Variants in LRRN3 observed in about 807,000 individuals in gnomAD.
The protein encoded by LRRN3 is leucine-rich repeat neuronal protein 3.
In LRRN3, 15 loss-of-function variants were observed where a neutral mutation model predicts 40.1. The ratio of observed to expected loss-of-function variants is 0.37; its 90% CI spans 0.25 to 0.58. The LOEUF (loss-of-function observed/expected upper bound fraction) is 0.58. Among genes scored for constraint, LRRN3 ranks in the 20% least tolerant of loss-of-function variants. The pLI, the probability that LRRN3 is intolerant of heterozygous loss-of-function variation, is 0.72. For missense variants in LRRN3, 746 were observed against 837.7 expected (o/e 0.89, Z 1.35); for synonymous variants, 308 against 297.2 (o/e 1.04, Z -0.37).
intron 2 of LRRN3, among the ~76,000 whole-genome samples, chr7:111,109,523 C>T (rs910345836): frequency 1.3e-5 from 2 of 152,060 alleles, no homozygotes; most frequent in Non-Finnish European, 2.9e-5. Flanking sequence ...ATCTGCGACA[C>T]AAAGCTTTAT....
chr7:111,120,062 T>G (rs1586405453), intron 2 of LRRN3, among the ~76,000 whole-genome samples: 1 of 152,304 alleles, frequency 6.6e-6, no homozygotes, highest in East Asian at 1.9e-4. Flanking sequence ...GAAGGTTGCC[T>G]GCAGGAAAAT....
chr7:111,123,199 C>T lies in LRRN3; in HGVS notation c.427C>T (p.Gln143Ter). The change falls in exon 3 of 3, where the codon CAA becomes TAA. Residue 143 changes from glutamine (Q) to a stop codon, truncating the protein, a stop_gained. Coordinates refer to ENST00000308478, the MANE Select transcript of LRRN3 (RefSeq NM_001099658.2). LOFTEE classifies it high-confidence loss of function. The surrounding 1 kb of genome is among the most constrained non-coding windows in gnomAD (Gnocchi z 6.4). ...ATGTCTGTCCGAACTGAGCAACTTACAAGAACTCTATATTAATCACAACTT... is the reference window on the plus strand; with the variant it reads ...ATGTCTGTCCGAACTGAGCAACTTATAAGAACTCTATATTAATCACAACTT... ...EKCLSELSNL[Q>*]ELYINHNLLS... is the part of the protein sequence containing the mutation. 6.2e-7 allele frequency: 1 copy of T among 1,613,964 alleles called. No homozygotes were observed. Among genetic ancestry groups the T allele is most frequent in the Non-Finnish European group, 8.5e-7 (1 of 1,179,964 alleles).
rs1210786661 is a variant in LRRN3, at chr7:111,123,287, A to G, written c.515A>G (p.Asn172Ser). Reference protein sequence around the residue: ...GLHNLLRLHLNSNRLQMINSK... With the variant: ...GLHNLLRLHLSSNRLQMINSK... Reference sequence around the variant, plus strand: ...CATAATCTTCTTCGACTTCATCTCAATTCAAATAGATTGCAGATGATCAAC... The same window carrying G: ...CATAATCTTCTTCGACTTCATCTCAGTTCAAATAGATTGCAGATGATCAAC... Residue 172 changes from asparagine to serine, a missense_variant, in exon 3 of 3, where the codon AAT (asparagine) becomes AGT (serine). Physicochemically the swap from Asn to Ser is conservative, Grantham distance 46. Transcript: ENST00000308478. The surrounding 1 kb of genome is among the most constrained non-coding windows in gnomAD (Gnocchi z 6.4). 6.2e-7 allele frequency: 1 copy of G among 1,613,838 alleles called. No individual in the cohort carries two copies. Among genetic ancestry groups the G allele is most frequent in the Non-Finnish European group, 8.5e-7 (1 of 1,179,936 alleles).
rs1331026725 is a variant in LRRN3, at chr7:111,125,089, A to G, written c.*190A>G. 4.0e-6 allele frequency: 2 copies of G among 502,282 alleles called. No individual in the cohort carries two copies. The highest frequency in any genetic ancestry group is 2.0e-5 in the African/African-American group (1 of 49,560). 31.1% of individuals were successfully genotyped at this position (502,282 alleles called of 1,614,324 possible). A position where few individuals can be genotyped will look rare whatever the true frequency, so the allele number is the denominator to read the frequency against. On this transcript the variant is annotated 3_prime_UTR_variant, in exon 3 of 3. Coordinates refer to ENST00000308478, the MANE Select transcript of LRRN3 (RefSeq NM_001099658.2). ...AAATATGTACAACTTCAGCATTTTAAGTAACTGGCTTCAAGGGGTACTGTG... is the reference window on the plus strand; with the variant it reads ...AAATATGTACAACTTCAGCATTTTAGGTAACTGGCTTCAAGGGGTACTGTG...
At chr7:111,092,319 T>A (rs2129578036) in intron 1 of LRRN3, among the ~76,000 whole-genome samples, 1 of 152,340 alleles carries the variant, frequency 6.6e-6, no homozygotes, top group South Asian at 2.1e-4. Flanking sequence ...TAAAGTACAT[T>A]TCCTATTTAA....
chr7:111,102,481 T>C (rs1798080983), intron 2 of LRRN3, among the ~76,000 whole-genome samples: 1 of 151,634 alleles, frequency 6.6e-6, no homozygotes. Context: ...TTGACAGTAA[T>C]GTGTTGCTGC....
chr7:111,117,661 C>A (rs1272193619), intron 2 of LRRN3, among the ~76,000 whole-genome samples: 2 of 151,944 alleles, frequency 1.3e-5, no homozygotes, highest in African/African-American at 4.8e-5. Context: ...GGATATGGAA[C>A]CTTCAATTAG....
chr7:111,105,843 T>TTA (rs1376978995), intron 2 of LRRN3, among the ~76,000 whole-genome samples: 1 of 151,934 alleles, frequency 6.6e-6, no homozygotes, highest in Non-Finnish European at 1.5e-5. Context: ...CCATTGTCTT[T>TTA]TATAGCATCC....
At chr7:111,104,042 T>A (rs1358974261) in intron 2 of LRRN3, among the ~76,000 whole-genome samples, 1 of 151,762 alleles carries the variant, frequency 6.6e-6, no homozygotes, top group Non-Finnish European at 1.5e-5. Context: ...GTGTGTGAAA[T>A]GAAAAGTTAC....
intron 2 of LRRN3, among the ~76,000 whole-genome samples, chr7:111,108,683 C>A (rs1017015535): frequency 2.0e-5 from 3 of 151,966 alleles, no homozygotes; most frequent in Non-Finnish European, 4.4e-5. Flanking sequence ...TTTGTAATCT[C>A]CTGAATTTAA....
chr7:111,096,522 C>A lies in LRRN3; in HGVS notation c.-440-3359C>A, dbSNP rs202030029. ...TGAGTTAAATTTAAAAAAAAAAAAA[C>A]AAAACAAAACCCACAACCAACATCT... On this transcript the variant is annotated intron_variant, in intron 1 of 2. Coordinates refer to ENST00000308478, the MANE Select transcript of LRRN3 (RefSeq NM_001099658.2). 5.9e-3 allele frequency among the ~76,000 whole-genome samples: 752 copies of A among 128,370 alleles called. 4 individuals carry two copies. The highest frequency in any genetic ancestry group is 0.018 in the African/African-American group (651 of 35,704). 84.2% of individuals were successfully genotyped at this position (128,370 alleles called of 152,430 possible). A position where few individuals can be genotyped will look rare whatever the true frequency, so the allele number is the denominator to read the frequency against.
intron 1 of LRRN3, among the ~76,000 whole-genome samples, chr7:111,099,424 G>A (rs1475789264): frequency 1.3e-5 from 2 of 151,698 alleles, no homozygotes; most frequent in African/African-American, 4.8e-5. Flanking sequence ...AAAGTTAATT[G>A]ATGAAAGCTG....
At chr7:111,096,527 C>T (rs1469435105) in intron 1 of LRRN3, among the ~76,000 whole-genome samples, 1 of 144,742 alleles carries the variant, frequency 6.9e-6, no homozygotes, top group African/African-American at 2.5e-5. Context: ...AAAAACAAAA[C>T]AAAACCCACA....
At chr7:111,097,373 G>A (rs968218361) in intron 1 of LRRN3, 14 of 151,708 alleles carry the variant, frequency 9.2e-5, no homozygotes, top group Non-Finnish European at 1.5e-4. Context: ...AAGAGACTTC[G>A]TTTTCACTGT....
chr7:111,094,325 G>A (rs1309545347), intron 1 of LRRN3, among the ~76,000 whole-genome samples: 1 of 152,086 alleles, frequency 6.6e-6, no homozygotes, highest in Non-Finnish European at 1.5e-5. Context: ...ATCTGTTGGT[G>A]AATCTGAAGG....
intron 2 of LRRN3, among the ~76,000 whole-genome samples, chr7:111,114,410 T>C (rs1440685938): frequency 1.3e-5 from 2 of 152,068 alleles, no homozygotes; most frequent in African/African-American, 2.4e-5. Context: ...ATCCTATCGG[T>C]ATCCATCCAA....
chr7:111,114,489 G>A (rs571349935), intron 2 of LRRN3, among the ~76,000 whole-genome samples: 1 of 152,256 alleles, frequency 6.6e-6, no homozygotes, highest in South Asian at 2.1e-4. Flanking sequence ...TGTAATCCCA[G>A]CACTTTGTGA....
chr7:111,119,747 T>C (rs1586402744), intron 2 of LRRN3, among the ~76,000 whole-genome samples: 1 of 152,168 alleles, frequency 6.6e-6, no homozygotes, highest in African/African-American at 2.4e-5. Context: ...TACTACATTA[T>C]AATGATAATG....
chr7:111,093,318 A>T (rs1797060279), intron 1 of LRRN3, among the ~76,000 whole-genome samples: 1 of 151,820 alleles, frequency 6.6e-6, no homozygotes, highest in African/African-American at 2.4e-5. Context: ...ACAAAAAGGA[A>T]AAAGTGTTTT....
Sources: allele counts gnomAD v4.1 joint callset (sites outside exome capture counted in the v4.1 genomes callset), GRCh38; gene constraint gnomAD v4.1.1; non-coding constraint Gnocchi (gnomAD v3.1); transcripts MANE v1.5; gene names NCBI Gene and HGNC (gene_info 2026-07-23, HGNC 2026-07-21).